TMEM232: variants seen among roughly 807,000 people sequenced by gnomAD.
The protein encoded by TMEM232 is transmembrane protein 232.
TMEM232 carries 80 observed loss-of-function variants against 78.8 expected under a neutral mutation model. The observed-to-expected ratio is 1.01, with a 90% CI of 0.85 to 1.22. TMEM232 has a LOEUF of 1.22. TMEM232 is among the 50% of genes most tolerant of loss of function. The pLI, the probability that TMEM232 is intolerant of heterozygous loss-of-function variation, is 0.00. For synonymous variants in TMEM232, 297 were observed against 254.3 expected (o/e 1.17, Z -1.60); for missense variants, 881 against 742.2 (o/e 1.19, Z -2.17).
intron 12 of TMEM232, among the ~76,000 whole-genome samples, chr5:110,481,582 C>A (rs1244832211): frequency 2.6e-5 from 4 of 152,006 alleles, no homozygotes; most frequent in Non-Finnish European, 5.9e-5. Flanking sequence ...AGAGGTAGTG[C>A]CATTAAATGC....
intron 12 of TMEM232, among the ~76,000 whole-genome samples, chr5:110,524,387 G>C (rs370318269): frequency 1.6e-5 from 1 of 64,036 alleles, no homozygotes; most frequent in African/African-American, 7.3e-5. Context: ...AAGAAAGAAA[G>C]AAAGAAAGAA....
intron 11 of TMEM232, among the ~76,000 whole-genome samples, chr5:110,531,226 T>C (rs1771417986): frequency 6.6e-6 from 1 of 152,112 alleles, no homozygotes; most frequent in Non-Finnish European, 1.5e-5. Context: ...CCCATCTCCC[T>C]TCACTGACTC....
chr5:110,436,092 C>T (rs746496999), intron 12 of TMEM232, among the ~76,000 whole-genome samples: 1 of 151,896 alleles, frequency 6.6e-6, no homozygotes, highest in Non-Finnish European at 1.5e-5. Context: ...CAAGGGATCC[C>T]TTCTCTCCAC....
intron 10 of TMEM232, among the ~76,000 whole-genome samples, chr5:110,586,620 A>AT (rs1351792926): frequency 7.9e-5 from 12 of 151,152 alleles, no homozygotes; most frequent in South Asian, 2.1e-4. Flanking sequence ...GTATCTCAAG[A>AT]TTTTTTTTTA....
At chr5:110,547,810 C>T (rs982326928) in intron 11 of TMEM232, among the ~76,000 whole-genome samples, 23 of 151,760 alleles carry the variant, frequency 1.5e-4, no homozygotes, top group Non-Finnish European at 2.4e-4. Context: ...CCAGCCTGTC[C>T]GGCATGGTGA....
At chr5:110,653,484 G>A (rs1313829483) in intron 2 of TMEM232, among the ~76,000 whole-genome samples, 1 of 152,176 alleles carries the variant, frequency 6.6e-6, no homozygotes, top group African/African-American at 2.4e-5. Flanking sequence ...GATCCTTGAA[G>A]CCTTGGCAGG....
At chr5:110,648,232 C>CT (rs34341744) in intron 2 of TMEM232, among the ~76,000 whole-genome samples, 2,919 of 152,106 alleles carry the variant, frequency 0.019, 83 homozygotes, top group African/African-American at 0.067. Context: ...AGGGTTAACA[C>CT]TTAAAAGAAT....
chr5:110,559,028 A>T (rs937930852), intron 11 of TMEM232, among the ~76,000 whole-genome samples: 1 of 152,200 alleles, frequency 6.6e-6, no homozygotes, highest in East Asian at 1.9e-4. Flanking sequence ...TGCTCAGAGT[A>T]TGCCAACCTT....
At chr5:110,598,151 T>TCAAA (rs1271240427) in intron 10 of TMEM232, among the ~76,000 whole-genome samples, 3 of 150,144 alleles carry the variant, frequency 2.0e-5, no homozygotes, top group Admixed American at 6.6e-5. Context: ...TACAATGAAC[T>TCAAA]CAAATTTACA....
intron 12 of TMEM232, among the ~76,000 whole-genome samples, chr5:110,521,328 T>C (rs1769472438): frequency 6.6e-6 from 1 of 152,242 alleles, no homozygotes; most frequent in South Asian, 2.1e-4. Flanking sequence ...TTTTTGGCTA[T>C]GGAATTGAAG....
At chr5:110,597,903 T>TA (rs1176477295) in intron 10 of TMEM232, among the ~76,000 whole-genome samples, 9 of 152,128 alleles carry the variant, frequency 5.9e-5, no homozygotes, top group Non-Finnish European at 1.2e-4. Context: ...CCTAAAACCA[T>TA]AAAAACCCTA....
intron 1 of TMEM232, among the ~76,000 whole-genome samples, chr5:110,737,565 C>A (rs1173816938): frequency 2.0e-5 from 3 of 152,098 alleles, no homozygotes; most frequent in Non-Finnish European, 4.4e-5. Flanking sequence ...TTTTAAACAC[C>A]TTAATACGTG....
intron 4 of TMEM232, among the ~76,000 whole-genome samples, chr5:110,640,443 G>A (rs542401803): frequency 1.2e-4 from 19 of 152,116 alleles, no homozygotes; most frequent in African/African-American, 4.3e-4. Flanking sequence ...TGTTTTAAAG[G>A]AGGCATAAAT....
At chr5:110,578,101 C>A (rs763784473) in intron 10 of TMEM232, among the ~76,000 whole-genome samples, 1 of 151,856 alleles carries the variant, frequency 6.6e-6, no homozygotes, top group Non-Finnish European at 1.5e-5. Flanking sequence ...TAATTAACTT[C>A]TGGAATTCTA....
At chr5:110,634,278 G>C (rs1785512690) in intron 5 of TMEM232, among the ~76,000 whole-genome samples, 1 of 151,970 alleles carries the variant, frequency 6.6e-6, no homozygotes, top group Non-Finnish European at 1.5e-5. Context: ...CTTAGCATAA[G>C]ACATATTATT....
At chr5:110,548,355 TTAA>T (rs1774039519) in intron 11 of TMEM232, among the ~76,000 whole-genome samples, 1 of 148,966 alleles carries the variant, frequency 6.7e-6, no homozygotes, top group Non-Finnish European at 1.5e-5. Context: ...TCATTAATTA[TTAA>T]TATTTAATAA....
chr5:110,489,878 C>A (rs1298602889), intron 12 of TMEM232, among the ~76,000 whole-genome samples: 2 of 151,972 alleles, frequency 1.3e-5, no homozygotes, highest in Non-Finnish European at 2.9e-5. Context: ...GTAATCCTAG[C>A]ACTTTGGAAG....
At chr5:110,531,189 T>A (rs751496824) in intron 11 of TMEM232, among the ~76,000 whole-genome samples, 39 of 151,654 alleles carry the variant, frequency 2.6e-4, no homozygotes, top group Admixed American at 1.3e-4. Flanking sequence ...TTCCTTTACC[T>A]ACCCAAATCC....
At chr5:110,504,838 C>A (rs1341770658) in intron 12 of TMEM232, among the ~76,000 whole-genome samples, 1 of 152,220 alleles carries the variant, frequency 6.6e-6, no homozygotes, top group Non-Finnish European at 1.5e-5. Flanking sequence ...CTCTCACAGA[C>A]ACACCCATAG....
Sources: gnomAD v4.1 joint callset for allele counts (sites outside exome capture counted in the v4.1 genomes callset) on GRCh38, gnomAD v4.1.1 for gene constraint, MANE v1.5 for transcripts, NCBI Gene and HGNC (gene_info 2026-07-23, HGNC 2026-07-21) for gene names.